The following DLGAP2 variants were observed in gnomAD, a reference collection of about 807,000 sequenced individuals.
The protein encoded by DLGAP2 is disks large-associated protein 2.
In DLGAP2, 26 loss-of-function variants were observed where a neutral mutation model predicts 100.3. The ratio of observed to expected loss-of-function variants is 0.26; its 90% CI spans 0.19 to 0.36. The LOEUF (loss-of-function observed/expected upper bound fraction) is 0.36, where lower values mean the gene tolerates loss of function less well. DLGAP2 is among the 10% of genes least tolerant of loss of function. DLGAP2 has a pLI of 1.00. For synonymous variants in DLGAP2, 886 were observed against 630.1 expected, an observed-to-expected ratio of 1.41 and a Z score of -6.08; for missense variants, 1,858 against 1,453.2, an observed-to-expected ratio of 1.28 and a Z score of -4.53.
intron 2 of DLGAP2, 104 bp from the exon 3 acceptor site, chr8:1,258,747 C>T (rs1354967087): frequency 6.9e-6 from 7 of 1,009,166 alleles, no homozygotes; most frequent in East Asian, 3.3e-5. Context: ...GGTCAAGCGG[C>T]GTCATCTTAA....
At chr8:960,382 G>A (rs1434497379) in intron 2 of DLGAP2, among the ~76,000 whole-genome samples, 2 of 151,564 alleles carry the variant, frequency 1.3e-5, no homozygotes, top group African/African-American at 2.4e-5. Context: ...ATTACAGGCA[G>A]GCACCACCAC....
intron 3 of DLGAP2, among the ~76,000 whole-genome samples, chr8:1,465,743 G>C (rs940615773): frequency 6.6e-6 from 1 of 152,240 alleles, no homozygotes; most frequent in African/African-American, 2.4e-5. Flanking sequence ...TGTGTTGCTA[G>C]CAGACCAAGG....
chr8:1,195,105 G>A (rs1385507487), intron 2 of DLGAP2, among the ~76,000 whole-genome samples: 1 of 152,248 alleles, frequency 6.6e-6, no homozygotes, highest in Non-Finnish European at 1.5e-5. Flanking sequence ...GCATCCTCAT[G>A]GCTGCAGCAG....
intron 4 of DLGAP2, among the ~76,000 whole-genome samples, chr8:1,545,156 T>G (rs1486199895): frequency 6.6e-6 from 1 of 152,196 alleles, no homozygotes; most frequent in Non-Finnish European, 1.5e-5. Context: ...AGAATGGGCT[T>G]GGAAGCATTC....
At chr8:1,039,409 T>G (rs1190751167) in intron 2 of DLGAP2, among the ~76,000 whole-genome samples, 1 of 140,320 alleles carries the variant, frequency 7.1e-6, no homozygotes, top group African/African-American at 2.7e-5. Flanking sequence ...GCTTGGTTTC[T>G]GTGGTCAGCT....
At position 1,314,211 on chromosome 8, in the gene DLGAP2, C is replaced by T. The variant is rs567396940; in HGVS notation, c.106+55328C>T. 5.3e-5 allele frequency among the ~76,000 whole-genome samples: 8 copies of T among 152,268 alleles called. 1 individual carries two copies. Among genetic ancestry groups the T allele is most frequent in the South Asian group, 2.1e-4 (1 of 4,822 alleles). On this transcript the variant is annotated intron_variant, in intron 3 of 14. Transcript: ENST00000637795. ...GCTTTAGATTTCATAGCAGCACAGA[C>T]GTTTCAGTTATCCGTTTTAATTGAG...
At chr8:1,055,048 G>A (rs1210656607) in intron 2 of DLGAP2, among the ~76,000 whole-genome samples, 1 of 152,210 alleles carries the variant, frequency 6.6e-6, no homozygotes, top group Non-Finnish European at 1.5e-5. Flanking sequence ...ACAGTTCCAT[G>A]TTACGACGCA....
At chr8:1,349,905 A>T (rs1312326009) in intron 3 of DLGAP2, among the ~76,000 whole-genome samples, 1 of 152,258 alleles carries the variant, frequency 6.6e-6, no homozygotes. Context: ...TTAATATTGA[A>T]AACAAACACA....
At chr8:1,205,088 T>A (rs1797961105) in intron 2 of DLGAP2, among the ~76,000 whole-genome samples, 1 of 152,216 alleles carries the variant, frequency 6.6e-6, no homozygotes, top group Admixed American at 6.5e-5. Flanking sequence ...TTTCCTGTGT[T>A]TCCTGTCCGT....
intron 3 of DLGAP2, among the ~76,000 whole-genome samples, chr8:1,340,686 C>T (rs775724081): frequency 7.9e-5 from 12 of 152,134 alleles, no homozygotes; most frequent in African/African-American, 1.4e-4. Flanking sequence ...CCTTGGAGAC[C>T]TAAAGACAAA....
At chr8:1,553,860 C>T (rs924325565) in intron 5 of DLGAP2, among the ~76,000 whole-genome samples, 1 of 152,166 alleles carries the variant, frequency 6.6e-6, no homozygotes, top group Non-Finnish European at 1.5e-5. Context: ...CAGTTAGGTA[C>T]AAAAACACAT....
At chr8:1,264,227 G>A (rs1799407113) in intron 3 of DLGAP2, among the ~76,000 whole-genome samples, 1 of 152,162 alleles carries the variant, frequency 6.6e-6, no homozygotes, top group Non-Finnish European at 1.5e-5. Flanking sequence ...CAGGGGATCA[G>A]CACGAGTTCC....
At chr8:1,504,615 T>G (rs1313112958) in intron 4 of DLGAP2, among the ~76,000 whole-genome samples, 1 of 152,222 alleles carries the variant, frequency 6.6e-6, no homozygotes, top group Non-Finnish European at 1.5e-5. Context: ...TGCTTTCAGA[T>G]TCCACGTGTA....
intron 4 of DLGAP2, among the ~76,000 whole-genome samples, chr8:1,546,007 A>C (rs1347747946): frequency 6.6e-6 from 1 of 152,256 alleles, no homozygotes; most frequent in African/African-American, 2.4e-5. Context: ...TGCAGCTGTA[A>C]AGTCTGGATT....
At chr8:1,134,553 C>A (rs1335512128) in intron 2 of DLGAP2, among the ~76,000 whole-genome samples, 1 of 151,880 alleles carries the variant, frequency 6.6e-6, no homozygotes, top group Non-Finnish European at 1.5e-5. Context: ...ATAGAACTTA[C>A]ATTAATCATA....
At chr8:1,438,097 G>C (rs1301550637) in intron 3 of DLGAP2, among the ~76,000 whole-genome samples, 1 of 152,226 alleles carries the variant, frequency 6.6e-6, no homozygotes, top group Non-Finnish European at 1.5e-5. Context: ...AGAAACACCT[G>C]CTGGTCCCCA....
chr8:1,180,694 C>T (rs28444396), intron 2 of DLGAP2, among the ~76,000 whole-genome samples: 86,191 of 149,890 alleles, frequency 0.58, 24,886 homozygotes, highest in Admixed American at 0.66. Context: ...GTACAATTAC[C>T]GTCGAGTGTG....
chr8:1,026,682 T>C (rs1236946109), intron 2 of DLGAP2, among the ~76,000 whole-genome samples: 1 of 152,238 alleles, frequency 6.6e-6, no homozygotes, highest in Non-Finnish European at 1.5e-5. Context: ...CATTTTGAAT[T>C]GAAAATATTG....
intron 2 of DLGAP2, among the ~76,000 whole-genome samples, chr8:1,100,096 A>G (rs1346466761): frequency 6.6e-6 from 1 of 152,242 alleles, no homozygotes; most frequent in African/African-American, 2.4e-5. Flanking sequence ...TGGGACATGA[A>G]TCATCCCTTT....
Sources: gnomAD v4.1 joint callset for allele counts (sites outside exome capture counted in the v4.1 genomes callset) on GRCh38, gnomAD v4.1.1 for gene constraint, MANE v1.5 for transcripts, NCBI Gene and HGNC (gene_info 2026-07-23, HGNC 2026-07-21) for gene names.